AK7: variants seen among roughly 807,000 people sequenced by gnomAD.
AK7 encodes the protein ATP-AMP transphosphorylase 7.
In AK7, 78 loss-of-function variants were observed where a neutral mutation model predicts 96.6. The ratio of observed to expected loss-of-function variants is 0.81; its 90% CI spans 0.67 to 0.97. AK7 has a LOEUF of 0.97. Among genes scored for constraint, AK7 ranks in the 50% least tolerant of loss-of-function variants. The probability of loss-of-function intolerance (pLI) is 0.00; values close to 1 mark genes in which losing one functional copy is unlikely to be tolerated. For missense variants in AK7, 855 were observed against 887.9 expected (o/e 0.96, Z 0.47); for synonymous variants, 302 against 317.2 (o/e 0.95, Z 0.51).
chr14:96,438,422 G>C (rs532882787), intron 6 of AK7, among the ~76,000 whole-genome samples: 1 of 152,172 alleles, frequency 6.6e-6, no homozygotes, highest in African/African-American at 2.4e-5. Context: ...TCTTTCCAAC[G>C]ATGTGACATT....
rs1168759075 is a variant in AK7, at chr14:96,399,856, T to C, written c.294+1593T>C. On this transcript the variant is annotated intron_variant, in intron 2 of 17. Coordinates refer to ENST00000267584, the MANE Select transcript of AK7 (RefSeq NM_152327.5). This position sits in a 1 kb window ranked among gnomAD's most constrained non-coding sequence, Gnocchi z 4.1. ...ACTCCCTTCCTACAACAGATGACCT[T>C]CCTAAATCTTATCCAACCCTATAGC... Among the ~76,000 whole-genome samples, 1 of 152,016 alleles carries C rather than the reference T, an allele frequency of 6.6e-6. No individual in the cohort carries two copies. The highest frequency in any genetic ancestry group is 2.4e-5 in the African/African-American group (1 of 41,380).
chr14:96,485,402 CA>C (rs1378620659), intron 16 of AK7, among the ~76,000 whole-genome samples: 1 of 152,178 alleles, frequency 6.6e-6, no homozygotes, highest in Non-Finnish European at 1.5e-5. Context: ...TGCTAGAGAT[CA>C]AATCCCACTC....
Position 96,488,555 on chromosome 14 carries a change from G to T in AK7, c.*212G>T. 1 of 483,412 alleles carries T rather than the reference G, an allele frequency of 2.1e-6. No individual in the cohort carries two copies. The highest frequency in any genetic ancestry group is 3.7e-6 in the Non-Finnish European group (1 of 269,626). The allele number at this position is 483,412 out of a possible 1,614,324, so 29.9% of individuals were successfully genotyped here. On this transcript the variant is annotated 3_prime_UTR_variant, in exon 18 of 18. Coordinates refer to ENST00000267584, the MANE Select transcript of AK7 (RefSeq NM_152327.5). ...AATGTAAATTGATAAAGACATTTGTGCATAGCTCATGAGACAAATACTGAT... is the reference window on the plus strand; with the variant it reads ...AATGTAAATTGATAAAGACATTTGTTCATAGCTCATGAGACAAATACTGAT...
chr14:96,439,904 G>A lies in AK7; in HGVS notation c.690+1989G>A, dbSNP rs563193352. On this transcript the variant is annotated intron_variant, in intron 6 of 17. Coordinates refer to ENST00000267584, the MANE Select transcript of AK7 (RefSeq NM_152327.5). Reference sequence around the variant, plus strand: ...GGAGGGGGGTGCAAAGAAAGAAGGCGGAGTTAAAGGATAAAGTGTAGTCAA... The same window carrying A: ...GGAGGGGGGTGCAAAGAAAGAAGGCAGAGTTAAAGGATAAAGTGTAGTCAA... Among the ~76,000 whole-genome samples, 62 of 152,204 alleles carry A rather than the reference G, an allele frequency of 4.1e-4. 2 individuals carry two copies. The South Asian group carries it at 0.01, about 25-fold the overall frequency.
intron 12 of AK7, among the ~76,000 whole-genome samples, chr14:96,466,422 T>G (rs1290569958): frequency 1.3e-5 from 2 of 151,920 alleles, no homozygotes; most frequent in African/African-American, 2.4e-5. Flanking sequence ...TATTTTTTAG[T>G]AGAGACGGGG....
At chr14:96,455,860 G>C (rs926667146) in intron 10 of AK7, among the ~76,000 whole-genome samples, 2 of 152,166 alleles carry the variant, frequency 1.3e-5, no homozygotes, top group African/African-American at 4.8e-5. Context: ...TCACCCTGGT[G>C]GTGGTGGTGG....
At chr14:96,454,583 C>G (rs760508932) in intron 10 of AK7, among the ~76,000 whole-genome samples, 12 of 151,978 alleles carry the variant, frequency 7.9e-5, no homozygotes, top group Admixed American at 5.9e-4. Context: ...GGCTTAAGCA[C>G]TCCTCCTGCC....
rs778534347 is a variant in AK7 at position 96,437,855 on chromosome 14, C to T, written c.630C>T (p.Tyr210=). 7.4e-6 allele frequency: 12 copies of T among 1,610,874 alleles called. No individual in the cohort carries two copies. The highest frequency in any genetic ancestry group is 5.5e-5 in the South Asian group (5 of 90,382). ...AATAGGCCAGAAAATTTGCAGCATA[C>T]GTAGTTGCTGCTGGACTCCAGTATG... ...FGKKARKFAA[Y]VVAAGLQYGA... Residue 210 remains tyrosine, a synonymous_variant, in exon 6 of 18, where the codon TAC becomes TAT. Coordinates refer to ENST00000267584, the MANE Select transcript of AK7 (RefSeq NM_152327.5).
In AK7 at chr14:96,420,925, GA is replaced by G. The variant is rs1891650558; in HGVS notation, c.608del (p.Lys203ArgfsTer9). ...INAEKMVLKF[G>X]KKARKFAAYV... The stretch of plus-strand genomic sequence containing the variant: ...GCTGAAAAAATGGTTCTCAAATTTG[GA>G]AAAAAGGTAAGTCTGGCATAGTGGA... On this transcript the variant is annotated frameshift_variant, in exon 5 of 18. Coordinates refer to ENST00000267584, the MANE Select transcript of AK7 (RefSeq NM_152327.5). LOFTEE classifies it high-confidence loss of function. The G allele has an allele frequency of 1.3e-6, 2 of 1,598,574 alleles. No individual in the cohort carries two copies. Among genetic ancestry groups the G allele is most frequent in the Admixed American group, 1.7e-5 (1 of 59,404 alleles).
chr14:96,411,443 A>C (rs146783659), intron 4 of AK7, among the ~76,000 whole-genome samples: 12,930 of 151,948 alleles, frequency 0.085, 629 homozygotes, highest in East Asian at 0.12. Context: ...CCTTGGAGGC[A>C]GAGGTTGCAG....
Position 96,423,868 on chromosome 14 carries a change from C to T in AK7, c.609+2936C>T, listed in dbSNP as rs556070100. On this transcript the variant is annotated intron_variant, in intron 5 of 17. Transcript: ENST00000267584. ...TGAGGATGGGCTCGTCACATTTCAGCGGCCTGTGCCTTGGGAGACCCCGAG... is the reference window on the plus strand; with the variant it reads ...TGAGGATGGGCTCGTCACATTTCAGTGGCCTGTGCCTTGGGAGACCCCGAG... 6.2e-5 allele frequency: 54 copies of T among 872,544 alleles called. No individual in the cohort carries two copies. The African/African-American group carries it at 7.8e-4, about 13-fold the overall frequency. 54.1% of individuals were successfully genotyped at this position (872,544 alleles called of 1,614,324 possible). A position where few individuals can be genotyped will look rare whatever the true frequency, so the allele number is the denominator to read the frequency against.
intron 5 of AK7, 56 bp downstream of exon 5, chr14:96,420,988 G>T (rs1891656307): frequency 2.4e-6 from 3 of 1,274,078 alleles, no homozygotes; most frequent in Non-Finnish European, 3.4e-6. Context: ...ACATCTCTTT[G>T]TGTGGTTTCC....
At chr14:96,437,967 A>G (rs775945196) in intron 6 of AK7, 52 bp downstream of exon 6, 6 of 1,533,972 alleles carry the variant, frequency 3.9e-6, no homozygotes, top group South Asian at 1.1e-5. Context: ...TACGATACAG[A>G]TACGCAATTT....
At chr14:96,451,630 G>A in intron 10 of AK7, 60 bp downstream of exon 10, 1 of 1,353,580 alleles carries the variant, frequency 7.4e-7, no homozygotes, top group Non-Finnish European at 9.6e-7. Context: ...CAAACTTCTA[G>A]TGTGATGATG....
chr14:96,451,070 G>A (rs1050550598), intron 9 of AK7, among the ~76,000 whole-genome samples: 4 of 152,018 alleles, frequency 2.6e-5, no homozygotes, highest in African/African-American at 4.8e-5. Context: ...CACGGCACTC[G>A]GCGGGAATAT....
In AK7 at chr14:96,442,745, G is replaced by A. The variant is rs114393353; in HGVS notation, c.706G>A (p.Glu236Lys). Residue 236 changes from glutamate (E) to lysine (K), a missense_variant, in exon 7 of 18, where the codon GAG (glutamate) becomes AAG (lysine). By Grantham distance (56) the Glu-to-Lys change is moderately conservative. Transcript: ENST00000267584. ...HTFFKMAWLG[E>K]IPALPVFGDG... ...TTCCTTTCAGATGGCTTGGTTGGGCGAGATTCCTGCATTACCAGTTTTTGG... is the reference window on the plus strand; with the variant it reads ...TTCCTTTCAGATGGCTTGGTTGGGCAAGATTCCTGCATTACCAGTTTTTGG... The A allele has an allele frequency of 1.9e-5, 31 of 1,614,000 alleles. No homozygotes were observed. In the East Asian group the frequency reaches 4.2e-4, roughly 22 times the overall value.
At chr14:96,451,621 A>C (rs764174660) in intron 10 of AK7, 51 bp downstream of exon 10, 39 of 1,389,572 alleles carry the variant, frequency 2.8e-5, no homozygotes, top group Non-Finnish European at 3.7e-5. Context: ...AAAATGAATC[A>C]AACTTCTAGT....
intron 3 of AK7, 81 bp from the exon 4 acceptor site, chr14:96,408,766 A>T: frequency 7.8e-7 from 1 of 1,279,016 alleles, no homozygotes; most frequent in Non-Finnish European, 1.1e-6. Context: ...AGTGGCTCCT[A>T]CTGGTGACTA....
intron 4 of AK7, among the ~76,000 whole-genome samples, chr14:96,410,376 GT>G (rs1414436832): frequency 6.6e-6 from 1 of 152,176 alleles, no homozygotes; most frequent in Non-Finnish European, 1.5e-5. Flanking sequence ...CGGACTGATT[GT>G]CCCAACCAAA....
Sources: gnomAD v4.1 joint callset for allele counts (sites outside exome capture counted in the v4.1 genomes callset) on GRCh38, gnomAD v4.1.1 for gene constraint, Gnocchi (gnomAD v3.1) non-coding constraint, MANE v1.5 for transcripts, NCBI Gene and HGNC (gene_info 2026-07-23, HGNC 2026-07-21) for gene names.